GLRA3: variants seen among roughly 807,000 people sequenced by gnomAD.
GLRA3 encodes glycine receptor subunit alpha-3.
GLRA3 carries 44 observed loss-of-function variants against 60.4 expected under a neutral mutation model. That is an observed-to-expected ratio of 0.73 (90% CI 0.57 to 0.94). The LOEUF (loss-of-function observed/expected upper bound fraction) is 0.94, where lower values mean the gene tolerates loss of function less well. Among genes scored for constraint, GLRA3 ranks in the 40% least tolerant of loss-of-function variants. GLRA3 has a pLI of 0.00. For missense variants in GLRA3, 508 were observed against 564.6 expected (o/e 0.90, Z 1.02); for synonymous variants, 223 against 192.9 (o/e 1.16, Z -1.29).
chr4:174,780,662 T>C (rs1579595747), intron 2 of GLRA3, among the ~76,000 whole-genome samples: 1 of 151,232 alleles, frequency 6.6e-6, no homozygotes, highest in Admixed American at 6.6e-5. Flanking sequence ...GGGGTTGCAA[T>C]CCTAGTCTCT....
chr4:174,702,728 T>C (rs776228589), intron 5 of GLRA3, among the ~76,000 whole-genome samples: 30 of 152,186 alleles, frequency 2.0e-4, no homozygotes, highest in Non-Finnish European at 4.0e-4. Flanking sequence ...TCATCACACC[T>C]GGATAATTTT....
At chr4:174,707,615 C>G (rs1735564354) in intron 5 of GLRA3, among the ~76,000 whole-genome samples, 1 of 152,080 alleles carries the variant, frequency 6.6e-6, no homozygotes, top group Admixed American at 6.6e-5. Flanking sequence ...GGAGGGAACT[C>G]TAAGTCTTTT....
intron 5 of GLRA3, among the ~76,000 whole-genome samples, chr4:174,685,840 G>A (rs1382280014): frequency 1.3e-5 from 2 of 152,016 alleles, no homozygotes; most frequent in East Asian, 3.9e-4. Context: ...TATAATCACT[G>A]AAGACAAAAT....
chr4:174,771,062 T>C (rs967421698), intron 2 of GLRA3, among the ~76,000 whole-genome samples: 3 of 121,018 alleles, frequency 2.5e-5, no homozygotes, highest in Admixed American at 1.1e-4. Flanking sequence ...AAAGAGAACA[T>C]TACACTCTGG....
In GLRA3 at chr4:174,700,798, C is replaced by A. The variant is rs142290800; in HGVS notation, c.574+14690G>T. Among the ~76,000 whole-genome samples the A allele has an allele frequency of 3.3e-5, 5 of 152,292 alleles. No individual in the cohort carries two copies. The East Asian group carries it at 9.7e-4, about 29-fold the overall frequency. The stretch of plus-strand genomic sequence containing the variant: ...TGGTCTGCATAGATCAAACCAGCAA[C>A]AACATTTCCTTAAGCCTAAACCAAA... On this transcript the variant is annotated intron_variant, in intron 5 of 9. Coordinates refer to ENST00000274093, the MANE Select transcript of GLRA3 (RefSeq NM_006529.4).
chr4:174,745,742 C>T (rs1283623849), intron 3 of GLRA3, among the ~76,000 whole-genome samples: 1 of 150,830 alleles, frequency 6.6e-6, no homozygotes, highest in African/African-American at 2.4e-5. Flanking sequence ...ACTCATCTGA[C>T]AGGTGACTAA....
chr4:174,699,127 A>G (rs1005965889), intron 5 of GLRA3, among the ~76,000 whole-genome samples: 1 of 151,866 alleles, frequency 6.6e-6, no homozygotes, highest in African/African-American at 2.4e-5. Context: ...CCACCTGAGC[A>G]ACTGGGACTA....
At chr4:174,815,388 G>A (rs1337276505) in intron 1 of GLRA3, among the ~76,000 whole-genome samples, 2 of 152,270 alleles carry the variant, frequency 1.3e-5, no homozygotes, top group East Asian at 3.9e-4. Flanking sequence ...GAAGATGGTG[G>A]CCCTCTTCTC....
At chr4:174,667,093 G>T (rs1212919348) in intron 7 of GLRA3, among the ~76,000 whole-genome samples, 1 of 152,092 alleles carries the variant, frequency 6.6e-6, no homozygotes, top group Non-Finnish European at 1.5e-5. Context: ...TAACACAGCA[G>T]CAGAGGAAAA....
At position 174,766,962 on chromosome 4, in the gene GLRA3, C is replaced by T; in HGVS notation, c.267+1G>A. The T allele has an allele frequency of 6.5e-7, 1 of 1,537,646 alleles. No individual in the cohort carries two copies. Among genetic ancestry groups the T allele is most frequent in the South Asian group, 1.1e-5 (1 of 87,482 alleles). On this transcript the variant is annotated splice_donor_variant, in intron 3 of 9. Coordinates refer to ENST00000274093, the MANE Select transcript of GLRA3 (RefSeq NM_006529.4). LOFTEE classifies it high-confidence loss of function. The stretch of plus-strand genomic sequence containing the variant: ...AACTTGTTGCAAAGTAAAATGCCTA[C>T]CATGGTCGTCTCTGCGATAGAGCCA...
chr4:174,643,341 C>T lies in GLRA3; in HGVS notation c.*445G>A. 2.0e-6 allele frequency: 1 copy of T among 494,252 alleles called. No individual in the cohort carries two copies. Among genetic ancestry groups the T allele is most frequent in the Non-Finnish European group, 2.3e-6 (1 of 440,280 alleles). 30.6% of individuals were successfully genotyped at this position (494,252 alleles called of 1,614,324 possible). ...TTTCCCACTGTAACTAATTATTTTCCCATTTTGTAACTATACTATAAGAAA... is the reference window on the plus strand; with the variant it reads ...TTTCCCACTGTAACTAATTATTTTCTCATTTTGTAACTATACTATAAGAAA... On this transcript the variant is annotated 3_prime_UTR_variant, in exon 10 of 10. Transcript: ENST00000274093.
At chr4:174,755,365 C>A (rs2111206368) in intron 3 of GLRA3, among the ~76,000 whole-genome samples, 1 of 151,950 alleles carries the variant, frequency 6.6e-6, no homozygotes, top group Admixed American at 6.5e-5. Context: ...AATAAATATT[C>A]ATGGCTTTAA....
At chr4:174,796,383 G>A (rs557382157) in intron 1 of GLRA3, among the ~76,000 whole-genome samples, 1 of 152,154 alleles carries the variant, frequency 6.6e-6, no homozygotes, top group Non-Finnish European at 1.5e-5. Flanking sequence ...AAGTACTACT[G>A]ATGTTTCCTT....
At chr4:174,742,068 G>A (rs1737049625) in intron 3 of GLRA3, among the ~76,000 whole-genome samples, 1 of 152,038 alleles carries the variant, frequency 6.6e-6, no homozygotes, top group Admixed American at 6.6e-5. Flanking sequence ...AAAAAGTCAG[G>A]TATGACAAAA....
intron 7 of GLRA3, among the ~76,000 whole-genome samples, chr4:174,668,080 A>G (rs920712947): frequency 1.3e-5 from 2 of 151,928 alleles, no homozygotes; most frequent in Admixed American, 1.3e-4. Context: ...TTCCCTTTCA[A>G]TCTTCTTCCT....
At chr4:174,671,999 A>T (rs1235448497) in intron 7 of GLRA3, among the ~76,000 whole-genome samples, 1 of 152,156 alleles carries the variant, frequency 6.6e-6, no homozygotes, top group African/African-American at 2.4e-5. Context: ...GAAAGGGAAA[A>T]AATGAGTGGA....
chr4:174,722,496 G>A (rs1463517095), intron 4 of GLRA3: 1 of 152,106 alleles, frequency 6.6e-6, no homozygotes, highest in Admixed American at 6.6e-5. Context: ...GTTGACGTAG[G>A]TTTCCACTAT....
chr4:174,703,762 T>C (rs1167178844), intron 5 of GLRA3, among the ~76,000 whole-genome samples: 1 of 152,232 alleles, frequency 6.6e-6, no homozygotes, highest in Non-Finnish European at 1.5e-5. Flanking sequence ...AGCGGATTTA[T>C]ATAACTTATA....
chr4:174,716,087 G>C (rs1050740354), intron 4 of GLRA3, among the ~76,000 whole-genome samples: 4 of 152,094 alleles, frequency 2.6e-5, no homozygotes, highest in Non-Finnish European at 5.9e-5. Flanking sequence ...GGGTGGAGAG[G>C]AGCAATCATA....
Sources: gnomAD v4.1 joint callset for allele counts (sites outside exome capture counted in the v4.1 genomes callset) on GRCh38, gnomAD v4.1.1 for gene constraint, MANE v1.5 for transcripts, NCBI Gene and HGNC (gene_info 2026-07-23, HGNC 2026-07-21) for gene names.